Variants in TBCA observed in about 807,000 individuals in gnomAD.
TBCA encodes tubulin folding cofactor A, also known as tubulin-specific chaperone A.
A neutral mutation model predicts 15.8 loss-of-function variants in TBCA; 6 were observed. The ratio of observed to expected loss-of-function variants is 0.38; its 90% CI spans 0.21 to 0.75. TBCA has a LOEUF of 0.75. Ranked by LOEUF, TBCA falls within the 30% of genes least tolerant of loss-of-function variation. The pLI is 0.46. For synonymous variants in TBCA, 32 were observed against 42.3 expected (o/e 0.76, Z 0.94); for missense variants, 90 against 131.2 (o/e 0.69, Z 1.53).
chr5:77,709,968 C>A (rs112024035), intron 1 of TBCA, among the ~76,000 whole-genome samples: 2 of 151,970 alleles, frequency 1.3e-5, no homozygotes, highest in Non-Finnish European at 2.9e-5. Flanking sequence ...TCTATAGAAA[C>A]GTAAAGTAGA....
chr5:77,776,237 T>C lies in TBCA; in HGVS notation c.21A>G (p.Arg7=). Residue 7 remains arginine (R), a synonymous_variant, in exon 1 of 4, where the codon AGA becomes AGG. Transcript: ENST00000380377. ...CCACGCCGGTCTTGATCTTGATCTG[T>C]CTCACGCGAGGATCGGCCATGGTCC... MADPRV[R]QIKIKTGVVK... is the part of the protein sequence containing the mutation. 6.3e-7 allele frequency: 1 copy of C among 1,578,932 alleles called. No homozygotes were observed. Among genetic ancestry groups the C allele is most frequent in the Non-Finnish European group, 8.6e-7 (1 of 1,163,330 alleles).
intron 3 of TBCA, chr5:77,692,337 C>T (rs969665914): frequency 1.0e-5 from 10 of 985,212 alleles, no homozygotes; most frequent in Non-Finnish European, 1.2e-5. Flanking sequence ...CCATGTTATA[C>T]CTTAAACACA....
intron 2 of TBCA, among the ~76,000 whole-genome samples, chr5:77,698,345 A>G (rs1421430763): frequency 6.6e-6 from 1 of 152,220 alleles, no homozygotes; most frequent in Non-Finnish European, 1.5e-5. Flanking sequence ...TAATGCTCAT[A>G]AACAACTTAG....
chr5:77,724,561 A>G (rs1746589601), intron 1 of TBCA, among the ~76,000 whole-genome samples: 1 of 152,166 alleles, frequency 6.6e-6, no homozygotes, highest in South Asian at 2.1e-4. Context: ...GTATAAGGGC[A>G]TCATATTTAT....
chr5:77,751,991 C>A (rs1484471168), intron 1 of TBCA, among the ~76,000 whole-genome samples: 1 of 152,132 alleles, frequency 6.6e-6, no homozygotes, highest in Non-Finnish European at 1.5e-5. Flanking sequence ...CCAAGATCAT[C>A]TGGTCCAATA....
intron 1 of TBCA, among the ~76,000 whole-genome samples, chr5:77,733,014 G>A (rs1490332220): frequency 6.6e-6 from 1 of 152,224 alleles, no homozygotes; most frequent in Non-Finnish European, 1.5e-5. Flanking sequence ...AAGCACAGTG[G>A]TTCATGCCTA....
chr5:77,767,457 T>C (rs1477535405), intron 1 of TBCA, among the ~76,000 whole-genome samples: 1 of 152,252 alleles, frequency 6.6e-6, no homozygotes, highest in Admixed American at 6.5e-5. Context: ...GAATCATTTA[T>C]AGATTTTGAA....
intron 1 of TBCA, among the ~76,000 whole-genome samples, chr5:77,763,117 G>C (rs1377225421): frequency 6.6e-6 from 1 of 152,064 alleles, no homozygotes; most frequent in African/African-American, 2.4e-5. Flanking sequence ...GATGGCGGGC[G>C]CCTGTAGTCC....
At chr5:77,749,593 T>C (rs990163850) in intron 1 of TBCA, among the ~76,000 whole-genome samples, 3 of 152,250 alleles carry the variant, frequency 2.0e-5, no homozygotes, top group African/African-American at 7.2e-5. Flanking sequence ...AACAAAATAC[T>C]GTATAAATCA....
chr5:77,737,368 T>C (rs1271120980), intron 1 of TBCA, among the ~76,000 whole-genome samples: 1 of 152,236 alleles, frequency 6.6e-6, no homozygotes, highest in Admixed American at 6.5e-5. Context: ...AACAGTGCAT[T>C]ATTTAAGTGT....
intron 1 of TBCA, among the ~76,000 whole-genome samples, chr5:77,709,463 T>C (rs1316053377): frequency 6.6e-6 from 1 of 152,140 alleles, no homozygotes; most frequent in Admixed American, 6.5e-5. Flanking sequence ...ATATACACAG[T>C]ATCTAAAGAG....
At chr5:77,760,524 A>T (rs1747593238) in intron 1 of TBCA, among the ~76,000 whole-genome samples, 1 of 151,630 alleles carries the variant, frequency 6.6e-6, no homozygotes, top group Admixed American at 6.6e-5. Context: ...TCGGGCTCCC[A>T]TGATTCTCCT....
intron 1 of TBCA, among the ~76,000 whole-genome samples, chr5:77,769,329 T>C (rs1280970726): frequency 1.3e-5 from 2 of 152,178 alleles, no homozygotes; most frequent in African/African-American, 2.4e-5. Context: ...AAAACAAAGC[T>C]AGCAAATCTT....
intron 1 of TBCA, among the ~76,000 whole-genome samples, chr5:77,735,016 A>G (rs1007911422): frequency 2.0e-5 from 3 of 152,218 alleles, no homozygotes; most frequent in Non-Finnish European, 4.4e-5. Context: ...TTTAGATGCA[A>G]TGCTATTGCA....
At chr5:77,748,819 A>T (rs1460594693) in intron 1 of TBCA, among the ~76,000 whole-genome samples, 1 of 152,220 alleles carries the variant, frequency 6.6e-6, no homozygotes, top group African/African-American at 2.4e-5. Context: ...TGTACGTTAT[A>T]TGTATTACAT....
chr5:77,748,329 T>C (rs977569485), intron 1 of TBCA, among the ~76,000 whole-genome samples: 1 of 151,630 alleles, frequency 6.6e-6, no homozygotes, highest in African/African-American at 2.4e-5. Context: ...GCAAACTAAT[T>C]ACCACCTACT....
At chr5:77,717,545 T>G (rs1203977198) in intron 1 of TBCA, among the ~76,000 whole-genome samples, 1 of 152,200 alleles carries the variant, frequency 6.6e-6, no homozygotes, top group Non-Finnish European at 1.5e-5. Flanking sequence ...TGTTTTTGCT[T>G]TTAGTCGGGC....
intron 1 of TBCA, among the ~76,000 whole-genome samples, chr5:77,760,324 A>C (rs1344811597): frequency 1.3e-5 from 2 of 152,248 alleles, no homozygotes; most frequent in Non-Finnish European, 2.9e-5. Context: ...ACATAGGTAT[A>C]CATAAATTAG....
chr5:77,725,172 C>T (rs1447798249), intron 1 of TBCA, among the ~76,000 whole-genome samples: 6 of 152,202 alleles, frequency 3.9e-5, no homozygotes, highest in African/African-American at 1.2e-4. Context: ...TATACCAACA[C>T]TATAAATCCA....
Sources: gnomAD v4.1 joint callset for allele counts (sites outside exome capture counted in the v4.1 genomes callset) on GRCh38, gnomAD v4.1.1 for gene constraint, MANE v1.5 for transcripts, NCBI Gene and HGNC (gene_info 2026-07-23, HGNC 2026-07-21) for gene names.